Variants in SNX24 observed in about 807,000 individuals in gnomAD.
SNX24 encodes sorting nexin-24.
SNX24 carries 22 observed loss-of-function variants against 28.7 expected under a neutral mutation model. The ratio of observed to expected loss-of-function variants is 0.77; its 90% CI spans 0.55 to 1.10. SNX24 has a LOEUF of 1.10. Ranked by LOEUF, SNX24 falls within the 50% of genes least tolerant of loss-of-function variation. The pLI is 0.00. For missense variants in SNX24, 221 were observed against 201.1 expected, an observed-to-expected ratio of 1.10 and a Z score of -0.60; for synonymous variants, 69 against 71.5, an observed-to-expected ratio of 0.96 and a Z score of 0.18.
At chr5:122,964,955 C>A (rs927732457) in intron 3 of SNX24, among the ~76,000 whole-genome samples, 2 of 151,926 alleles carry the variant, frequency 1.3e-5, no homozygotes, top group Admixed American at 1.3e-4. Flanking sequence ...GTTTCTAGTT[C>A]TCCTAGAATT....
At chr5:122,850,195 G>A (rs938104673) in intron 1 of SNX24, among the ~76,000 whole-genome samples, 4 of 152,200 alleles carry the variant, frequency 2.6e-5, no homozygotes, top group Non-Finnish European at 4.4e-5. Context: ...ATTTCTCACA[G>A]TTCTGGAGGC....
At chr5:123,004,897 A>T (rs1019122975) in intron 6 of SNX24, among the ~76,000 whole-genome samples, 104 of 152,368 alleles carry the variant, frequency 6.8e-4, no homozygotes, top group Non-Finnish European at 2.5e-4. Context: ...TGTTCATTAA[A>T]TAAGCAAAAA....
At chr5:122,854,025 A>G (rs1324036617) in intron 1 of SNX24, among the ~76,000 whole-genome samples, 1 of 26,858 alleles carries the variant, frequency 3.7e-5, no homozygotes, top group African/African-American at 2.2e-4. Context: ...GAGTTTATCT[A>G]CTGAAATTCA....
At chr5:123,019,870 A>C (rs987339938) in intron 5 of SNX24, among the ~76,000 whole-genome samples, 2 of 152,224 alleles carry the variant, frequency 1.3e-5, no homozygotes, top group African/African-American at 4.8e-5. Context: ...CAGTTTGCTC[A>C]TGTTTTCTGT....
Position 123,007,798 on chromosome 5 carries a change from C to A in SNX24, c.*49C>A. 1.3e-6 allele frequency: 2 copies of A among 1,577,612 alleles called. No individual in the cohort carries two copies. Among genetic ancestry groups the A allele is most frequent in the South Asian group, 2.4e-5 (2 of 83,878 alleles). On this transcript the variant is annotated 3_prime_UTR_variant, in exon 7 of 7. Coordinates refer to ENST00000261369, the MANE Select transcript of SNX24 (RefSeq NM_014035.4). The stretch of plus-strand genomic sequence containing the variant: ...CAGAAGCAAGTTTCGAAGTCACAGT[C>A]AAGGAAATCAATACCTACCAATTTA...
chr5:122,989,100 C>A (rs902226952), intron 3 of SNX24, among the ~76,000 whole-genome samples: 6 of 151,914 alleles, frequency 3.9e-5, no homozygotes, highest in Admixed American at 3.3e-4. Context: ...GTTCTATGGG[C>A]CAAAAACAGG....
At chr5:122,904,662 T>G (rs1276009684) in intron 1 of SNX24, among the ~76,000 whole-genome samples, 1 of 152,238 alleles carries the variant, frequency 6.6e-6, no homozygotes, top group African/African-American at 2.4e-5. Context: ...TCATTAATAA[T>G]TTACATGATC....
At chr5:122,909,049 C>G (rs1757768582) in intron 1 of SNX24, among the ~76,000 whole-genome samples, 1 of 151,984 alleles carries the variant, frequency 6.6e-6, no homozygotes, top group African/African-American at 2.4e-5. Context: ...GACTGTATTA[C>G]CTATTCAAAA....
chr5:122,976,921 C>G (rs1761188896), intron 3 of SNX24, among the ~76,000 whole-genome samples: 2 of 152,154 alleles, frequency 1.3e-5, no homozygotes, highest in South Asian at 4.2e-4. Context: ...CTTTCTTTTC[C>G]CTTTTCTAAT....
At chr5:122,962,923 G>C (rs865965981) in intron 3 of SNX24, among the ~76,000 whole-genome samples, 2 of 152,230 alleles carry the variant, frequency 1.3e-5, no homozygotes, top group Middle Eastern at 3.4e-3. Context: ...TATTAATAAG[G>C]TGAATGTTTT....
chr5:122,869,879 C>G (rs1581688550), intron 1 of SNX24, among the ~76,000 whole-genome samples: 1 of 140,348 alleles, frequency 7.1e-6, no homozygotes, highest in African/African-American at 2.7e-5. Context: ...CAGGCAAATG[C>G]ATTTCTTAGT....
intron 1 of SNX24, among the ~76,000 whole-genome samples, chr5:122,900,346 T>A (rs1444560909): frequency 1.3e-5 from 2 of 152,222 alleles, no homozygotes; most frequent in Non-Finnish European, 2.9e-5. Context: ...CAGCAATTTT[T>A]AAAATGTGAA....
chr5:122,944,437 TCC>T (rs796693657), intron 2 of SNX24, among the ~76,000 whole-genome samples: 1 of 11,144 alleles, frequency 9.0e-5, no homozygotes, highest in African/African-American at 1.1e-3. Context: ...ATTTTTTTTT[TCC>T]CCCAAAAAAA....
intron 3 of SNX24, among the ~76,000 whole-genome samples, chr5:122,999,650 C>T (rs1457794527): frequency 6.6e-6 from 1 of 152,200 alleles, no homozygotes; most frequent in South Asian, 2.1e-4. Flanking sequence ...GTCCCCTAGT[C>T]AGCATCTAGT....
At chr5:122,893,233 G>A (rs1358317838) in intron 1 of SNX24, among the ~76,000 whole-genome samples, 2 of 76,770 alleles carry the variant, frequency 2.6e-5, no homozygotes, top group Non-Finnish European at 4.4e-5. Flanking sequence ...TTTCAAATTT[G>A]TCACAAGGGA....
intron 5 of SNX24, among the ~76,000 whole-genome samples, chr5:123,017,031 C>T (rs970478139): frequency 1.3e-5 from 2 of 152,076 alleles, no homozygotes; most frequent in Non-Finnish European, 2.9e-5. Context: ...AGAACCATTT[C>T]CAACTTTTTC....
At chr5:122,925,279 T>A (rs1313848338) in intron 1 of SNX24, among the ~76,000 whole-genome samples, 1 of 138,984 alleles carries the variant, frequency 7.2e-6, no homozygotes, top group Non-Finnish European at 1.5e-5. Context: ...CCCTTCTCCT[T>A]TCCTTCTGAG....
At chr5:122,926,536 G>GAAA (rs1758701358) in intron 1 of SNX24, among the ~76,000 whole-genome samples, 1 of 152,176 alleles carries the variant, frequency 6.6e-6, no homozygotes, top group African/African-American at 2.4e-5. Context: ...TCAATTTCCA[G>GAAA]AAAAGTTTCA....
At chr5:122,948,402 G>C (rs1759785639) in intron 3 of SNX24, among the ~76,000 whole-genome samples, 1 of 152,132 alleles carries the variant, frequency 6.6e-6, no homozygotes, top group Non-Finnish European at 1.5e-5. Flanking sequence ...ACCTGTCTTG[G>C]TAAGGGCCAG....
Sources: allele counts gnomAD v4.1 joint callset (sites outside exome capture counted in the v4.1 genomes callset), GRCh38; gene constraint gnomAD v4.1.1; transcripts MANE v1.5; gene names NCBI Gene and HGNC (gene_info 2026-07-23, HGNC 2026-07-21).